ANKRD31: variants seen among roughly 807,000 people sequenced by gnomAD.
ANKRD31 encodes ankyrin repeat domain-containing protein 31.
Under a neutral mutation model 186.0 loss-of-function variants are expected in ANKRD31, and 147 were observed. That is an observed-to-expected ratio of 0.79 (90% CI 0.69 to 0.91). The LOEUF (loss-of-function observed/expected upper bound fraction) is 0.91, where lower values mean the gene tolerates loss of function less well. Among genes scored for constraint, ANKRD31 ranks in the 40% least tolerant of loss-of-function variants. The probability of loss-of-function intolerance (pLI) is 0.00; values close to 1 mark genes in which losing one functional copy is unlikely to be tolerated. For missense variants in ANKRD31, 1,986 were observed against 2,148.8 expected (o/e 0.92, Z 1.50); for synonymous variants, 673 against 736.4 (o/e 0.91, Z 1.39).
At chr5:75,190,004 A>T (rs1298078815) in intron 9 of ANKRD31, among the ~76,000 whole-genome samples, 1 of 146,492 alleles carries the variant, frequency 6.8e-6, no homozygotes, top group East Asian at 2.0e-4. Flanking sequence ...TTTGTTTAGA[A>T]TTTTTTTTTT....
At chr5:75,109,571 C>T (rs1747601326) in intron 20 of ANKRD31, among the ~76,000 whole-genome samples, 1 of 152,148 alleles carries the variant, frequency 6.6e-6, no homozygotes, top group African/African-American at 2.4e-5. Context: ...ATTTAGAGAA[C>T]CTAGCTGAAC....
intron 17 of ANKRD31, among the ~76,000 whole-genome samples, chr5:75,126,742 A>T (rs1749289068): frequency 6.6e-6 from 1 of 152,166 alleles, no homozygotes; most frequent in Non-Finnish European, 1.5e-5. Flanking sequence ...AAAAGTTCCC[A>T]AGTCTGGCAA....
intron 17 of ANKRD31, among the ~76,000 whole-genome samples, chr5:75,130,183 C>T (rs1052752238): frequency 3.3e-5 from 5 of 152,278 alleles, no homozygotes; most frequent in African/African-American, 1.2e-4. Flanking sequence ...TTAAAGGTGG[C>T]ACGTCTGGAG....
At position 75,236,744 on chromosome 5, in the gene ANKRD31, C is replaced by CA. The variant is rs1296797103; in HGVS notation, c.-59dup. ...CCTCTAACTCCCTCTTGCCCGCAAA[C>CA]AAAAAAACGCTTTGAGGGCCAGGGG... On this transcript the variant is annotated 5_prime_UTR_variant, in exon 1 of 26. Transcript: ENST00000506364. The CA allele has an allele frequency of 2.2e-6, 3 of 1,339,540 alleles. No homozygotes were observed. Among genetic ancestry groups the CA allele is most frequent in the Non-Finnish European group, 3.0e-6 (3 of 993,330 alleles). 83.0% of individuals were successfully genotyped at this position (1,339,540 alleles called of 1,614,324 possible).
At chr5:75,131,059 C>T (rs1001793174) in intron 17 of ANKRD31, among the ~76,000 whole-genome samples, 2 of 152,252 alleles carry the variant, frequency 1.3e-5, no homozygotes, top group African/African-American at 4.8e-5. Context: ...CAGGTACTGG[C>T]TGGCTGTGCC....
chr5:75,232,588 T>A (rs1758015968), intron 1 of ANKRD31, among the ~76,000 whole-genome samples: 1 of 151,604 alleles, frequency 6.6e-6, no homozygotes, highest in African/African-American at 2.4e-5. Context: ...AATTTAAAAA[T>A]AACACAAAAG....
chr5:75,080,685 G>T, intron 24 of ANKRD31, 46 bp from the exon 25 acceptor site: 1 of 1,301,940 alleles, frequency 7.7e-7, no homozygotes, highest in South Asian at 1.4e-5. Context: ...TGAATTAGGG[G>T]ACTGCTCTGG....
chr5:75,114,332 T>C (rs1248940253), intron 19 of ANKRD31, among the ~76,000 whole-genome samples: 3 of 152,132 alleles, frequency 2.0e-5, no homozygotes, highest in East Asian at 1.9e-4. Context: ...GCAGTGTCTA[T>C]GGACAAGAAG....
chr5:75,147,433 G>A lies in ANKRD31; in HGVS notation c.1978C>T (p.His660Tyr), dbSNP rs1225851023. The A allele has an allele frequency of 2.0e-6, 3 of 1,512,418 alleles. No individual in the cohort carries two copies. The East Asian group carries it at 7.4e-5, about 37-fold the overall frequency. 93.7% of individuals were successfully genotyped at this position (1,512,418 alleles called of 1,614,324 possible). The change falls in exon 14 of 26, where the codon CAT becomes TAT. Residue 660 changes from histidine (H) to tyrosine (Y), a missense_variant. Coordinates refer to ENST00000506364, the MANE Select transcript of ANKRD31 (RefSeq NM_001372053.1). ...TTGCTTCCTTTATTGACTTTTACAT[G>A]TTCCAGCTTCTGTCTGTTGGAATTT... ...NENSNRQKLEHVKVNKGSKAS... is the reference protein window; with the variant it reads ...NENSNRQKLEYVKVNKGSKAS...
intron 11 of ANKRD31, among the ~76,000 whole-genome samples, chr5:75,160,014 T>C (rs1424302082): frequency 1.3e-5 from 2 of 152,066 alleles, no homozygotes; most frequent in Non-Finnish European, 2.9e-5. Context: ...AACTTGAATC[T>C]ATAGGAAAAC....
chr5:75,146,377 A>C lies in ANKRD31; in HGVS notation c.3034T>G (p.Cys1012Gly). The change falls in exon 14 of 26, where the codon TGT (cysteine) becomes GGT (glycine). Residue 1012 changes from cysteine (C) to glycine (G), a missense_variant. Transcript: ENST00000506364. ...NGNPEQNSLA[C>G]MRTLLTHEAS... is the part of the protein sequence containing the mutation. ...TCATGTGTCAAAAGTGTTCTCATAC[A>C]AGCCAGGGAATTTTGCTCAGGATTG... 6.5e-7 allele frequency: 1 copy of C among 1,536,626 alleles called. No individual in the cohort carries two copies. Among genetic ancestry groups the C allele is most frequent in the Non-Finnish European group, 8.7e-7 (1 of 1,146,510 alleles).
At chr5:75,093,988 G>A (rs1028090350) in intron 22 of ANKRD31, among the ~76,000 whole-genome samples, 1 of 152,198 alleles carries the variant, frequency 6.6e-6, no homozygotes, top group Non-Finnish European at 1.5e-5. Context: ...AGGTAATTAT[G>A]TATTATAAAA....
Position 75,158,294 on chromosome 5 carries a change from T to C in ANKRD31, c.1708-3949A>G, listed in dbSNP as rs1052563959. On this transcript the variant is annotated intron_variant, in intron 11 of 25. Transcript: ENST00000506364. ...ATCAGTAATTGACCACTAAATGGTC[T>C]TGAACCAAGGGTATTCTGTTGGAAA... Among the ~76,000 whole-genome samples the C allele has an allele frequency of 3.6e-4, 55 of 152,184 alleles. 3 individuals carry two copies. Among genetic ancestry groups the C allele is most frequent in the Non-Finnish European group, 1.2e-4 (8 of 68,032 alleles).
At chr5:75,142,295 C>A (rs985370786) in intron 15 of ANKRD31, among the ~76,000 whole-genome samples, 1 of 152,210 alleles carries the variant, frequency 6.6e-6, no homozygotes, top group African/African-American at 2.4e-5. Flanking sequence ...TGTTCACTCG[C>A]TATTCTCCCT....
intron 15 of ANKRD31, among the ~76,000 whole-genome samples, chr5:75,141,957 T>C (rs950125731): frequency 3.3e-5 from 5 of 152,176 alleles, no homozygotes; most frequent in African/African-American, 1.2e-4. Context: ...CATAAGTTTG[T>C]ACAGCATTTG....
intron 6 of ANKRD31, among the ~76,000 whole-genome samples, chr5:75,198,952 C>T (rs1304085170): frequency 1.3e-5 from 2 of 152,100 alleles, no homozygotes; most frequent in East Asian, 1.9e-4. Context: ...TGAGCAAAAG[C>T]ATGAAGGCAG....
intron 15 of ANKRD31, among the ~76,000 whole-genome samples, chr5:75,140,905 C>T (rs1751002110): frequency 6.6e-6 from 1 of 152,192 alleles, no homozygotes; most frequent in Non-Finnish European, 1.5e-5. Flanking sequence ...CAACACTTTG[C>T]TGCCTACGAA....
chr5:75,163,806 G>A (rs919877240), intron 11 of ANKRD31, among the ~76,000 whole-genome samples: 1 of 152,108 alleles, frequency 6.6e-6, no homozygotes, highest in African/African-American at 2.4e-5. Flanking sequence ...TTTCCTTAAG[G>A]GGCCTACTGT....
chr5:75,210,319 G>A (rs1279343917), intron 4 of ANKRD31, among the ~76,000 whole-genome samples: 6 of 151,992 alleles, frequency 3.9e-5, no homozygotes, highest in African/African-American at 1.2e-4. Context: ...GATTACAGAC[G>A]CCCACCAACA....
Sources: gnomAD v4.1 joint callset for allele counts (sites outside exome capture counted in the v4.1 genomes callset) on GRCh38, gnomAD v4.1.1 for gene constraint, MANE v1.5 for transcripts, NCBI Gene and HGNC (gene_info 2026-07-23, HGNC 2026-07-21) for gene names.